Variants in MICAL3 observed in about 807,000 individuals in gnomAD.
MICAL3 encodes the protein microtubule associated monooxygenase, calponin and LIM domain containing 3, also known as [F-actin]-monooxygenase MICAL3.
In MICAL3, 62 loss-of-function variants were observed where a neutral mutation model predicts 207.4. The observed-to-expected ratio is 0.30, with a 90% CI of 0.24 to 0.37. The LOEUF is 0.37. MICAL3 is among the 10% of genes least tolerant of loss of function. MICAL3 has a pLI of 1.00. For missense variants in MICAL3, 2,368 were observed against 2,635.6 expected, an observed-to-expected ratio of 0.90 and a Z score of 2.22; for synonymous variants, 1,077 against 1,069.3, an observed-to-expected ratio of 1.01 and a Z score of -0.14.
rs368036794 is a variant in MICAL3, at chr22:17,884,293, G to A, written c.2241+1585C>T. The A allele has an allele frequency of 3.4e-5, 54 of 1,589,644 alleles. No individual in the cohort carries two copies. In the African/African-American group the frequency reaches 7.2e-4, roughly 21 times the overall value. ...CCTTTACCTGTTTCCACCGGGGGGT[G>A]GGGGCAGGGCGAACCTGCCCAGGCA... On this transcript the variant is annotated intron_variant, in intron 16 of 31. Coordinates refer to ENST00000441493, the MANE Select transcript of MICAL3 (RefSeq NM_015241.3).
intron 1 of MICAL3, among the ~76,000 whole-genome samples, chr22:17,982,497 G>C (rs1338405413): frequency 6.6e-6 from 1 of 151,970 alleles, no homozygotes; most frequent in Non-Finnish European, 1.5e-5. Context: ...ATGGTGAAAC[G>C]CCATCTCTAC....
intron 20 of MICAL3, among the ~76,000 whole-genome samples, chr22:17,835,028 C>A (rs1030218900): frequency 1.3e-5 from 2 of 152,214 alleles, no homozygotes; most frequent in African/African-American, 2.4e-5. Context: ...TGGGAGGGGG[C>A]CTCAGCACAG....
chr22:17,893,292 CG>C (rs1930529264), intron 11 of MICAL3, among the ~76,000 whole-genome samples: 1 of 152,158 alleles, frequency 6.6e-6, no homozygotes, highest in African/African-American at 2.4e-5. Flanking sequence ...ACCCCTCTCA[CG>C]TGTGGCTGAC....
chr22:17,884,674 C>A (rs1247837453), intron 16 of MICAL3, among the ~76,000 whole-genome samples: 1 of 151,922 alleles, frequency 6.6e-6, no homozygotes, highest in Non-Finnish European at 1.5e-5. Flanking sequence ...ATATTCCCAT[C>A]CAAAATGAGG....
chr22:17,886,984 G>T (rs1602148557), intron 15 of MICAL3, among the ~76,000 whole-genome samples, 186 bp downstream of exon 15: 2 of 40,500 alleles, frequency 4.9e-5, no homozygotes, highest in Non-Finnish European at 4.1e-5. Context: ...AAAGACTCTT[G>T]TCTCAAAAAA....
At chr22:17,974,723 T>TAAA (rs5844339) in intron 1 of MICAL3, among the ~76,000 whole-genome samples, 4 of 106,086 alleles carry the variant, frequency 3.8e-5, no homozygotes, top group East Asian at 3.0e-4. Flanking sequence ...GACTCCGTCT[T>TAAA]AAAAAAAAAA....
chr22:17,852,018 G>A (rs1378676910), intron 19 of MICAL3, among the ~76,000 whole-genome samples: 1 of 152,116 alleles, frequency 6.6e-6, no homozygotes, highest in East Asian at 1.9e-4. Flanking sequence ...CTGTCCTCCA[G>A]AGCAGAGTGC....
chr22:17,886,667 T>TG (rs1200796456), intron 15 of MICAL3, among the ~76,000 whole-genome samples: 1 of 151,984 alleles, frequency 6.6e-6, no homozygotes, highest in Non-Finnish European at 1.5e-5. Flanking sequence ...TAGCAGGACA[T>TG]GGTGATGCAC....
intron 12 of MICAL3, among the ~76,000 whole-genome samples, chr22:17,889,877 T>C (rs963351705): frequency 6.6e-6 from 1 of 152,184 alleles, no homozygotes; most frequent in Admixed American, 6.5e-5. Context: ...CCCATCCACA[T>C]TAAACTAATG....
intron 29 of MICAL3, among the ~76,000 whole-genome samples, chr22:17,805,773 G>C (rs544150389): frequency 6.6e-6 from 1 of 152,218 alleles, no homozygotes; most frequent in Admixed American, 6.5e-5. Context: ...TTGTTGCCCA[G>C]GTTGGACTGC....
At chr22:17,826,405 TAG>T (rs1922194273) in intron 22 of MICAL3, 2 of 958,964 alleles carry the variant, frequency 2.1e-6, no homozygotes, top group African/African-American at 3.5e-5. Context: ...CAGAGCCGCC[TAG>T]AGAGAGGTTA....
At chr22:18,012,267 T>C (rs1923787703) in intron 1 of MICAL3, among the ~76,000 whole-genome samples, 1 of 152,240 alleles carries the variant, frequency 6.6e-6, no homozygotes, top group African/African-American at 2.4e-5. Flanking sequence ...GAGAAGTTAC[T>C]TTTTGTTTCC....
intron 25 of MICAL3, 84 bp from the exon 26 acceptor site, chr22:17,819,213 G>C: frequency 7.4e-7 from 1 of 1,354,398 alleles, no homozygotes; most frequent in Non-Finnish European, 9.6e-7. Context: ...CTCACTCAAA[G>C]TGCCTGCACC....
intron 1 of MICAL3, among the ~76,000 whole-genome samples, chr22:17,962,928 A>T (rs1228162621): frequency 5.3e-5 from 8 of 152,048 alleles, no homozygotes; most frequent in Admixed American, 2.0e-4. Context: ...TTTTTTTTAA[A>T]AAATTTTAGA....
At chr22:17,932,875 G>C (rs931643303) in intron 1 of MICAL3, among the ~76,000 whole-genome samples, 2 of 152,086 alleles carry the variant, frequency 1.3e-5, no homozygotes, top group African/African-American at 4.8e-5. Flanking sequence ...AGACAAAGAA[G>C]GCCATTACAT....
At chr22:17,832,552 G>A (rs564685857) in intron 20 of MICAL3, among the ~76,000 whole-genome samples, 5 of 152,296 alleles carry the variant, frequency 3.3e-5, no homozygotes, top group South Asian at 2.1e-4. Context: ...CACTGAGATC[G>A]CTGGTTTACG....
rs543406179 is a variant in MICAL3, at chr22:17,884,230, G to A, written c.2241+1648C>T. ...GCTGGCTCAGGAGGAGGGGTAGGAA[G>A]GCCTGGAGAGACAGCACCCATCCTG... On this transcript the variant is annotated intron_variant, in intron 16 of 31. Transcript: ENST00000441493. 2.7e-5 allele frequency: 38 copies of A among 1,399,268 alleles called. No individual in the cohort carries two copies. The African/African-American group carries it at 4.9e-4, about 18-fold the overall frequency. 86.7% of individuals were successfully genotyped at this position (1,399,268 alleles called of 1,614,324 possible).
intron 22 of MICAL3, among the ~76,000 whole-genome samples, chr22:17,823,828 C>T (rs986030736): frequency 2.6e-5 from 4 of 152,300 alleles, no homozygotes; most frequent in African/African-American, 9.6e-5. Context: ...CAGCCTGCAA[C>T]ATAATTAGAG....
chr22:17,966,810 C>G (rs427669), intron 1 of MICAL3, among the ~76,000 whole-genome samples: 92,253 of 152,072 alleles, frequency 0.61, 28,863 homozygotes, highest in Middle Eastern at 0.78. Flanking sequence ...GTAGCCTGAG[C>G]CTTGCTAAAT....
Sources: allele counts gnomAD v4.1 joint callset (sites outside exome capture counted in the v4.1 genomes callset), GRCh38; gene constraint gnomAD v4.1.1; transcripts MANE v1.5; gene names NCBI Gene and HGNC (gene_info 2026-07-23, HGNC 2026-07-21).